The following CALN1 variants were observed in gnomAD, a reference collection of about 807,000 sequenced individuals.
CALN1 encodes calcium-binding protein 8.
CALN1 carries 17 observed loss-of-function variants against 30.6 expected under a neutral mutation model. The ratio of observed to expected loss-of-function variants is 0.56; its 90% CI spans 0.38 to 0.83. The LOEUF is 0.83. CALN1 is among the 40% of genes least tolerant of loss of function. The pLI is 0.00. For synonymous variants in CALN1, 156 were observed against 131.4 expected (o/e 1.19, Z -1.28); for missense variants, 291 against 354.9 (o/e 0.82, Z 1.45).
chr7:71,843,587 C>T (rs1790067661), intron 5 of CALN1, among the ~76,000 whole-genome samples: 1 of 152,144 alleles, frequency 6.6e-6, no homozygotes, highest in Non-Finnish European at 1.5e-5. Flanking sequence ...TGTACCACTG[C>T]ACCCCAGACT....
intron 5 of CALN1, among the ~76,000 whole-genome samples, chr7:71,857,040 GTGTGTGT>G (rs1242247407): frequency 6.6e-6 from 1 of 151,722 alleles, no homozygotes; most frequent in African/African-American, 2.4e-5. Context: ...GTGTGTGTGT[GTGTGTGT>G]GTGTGTGTGT....
chr7:72,128,243 C>T (rs895389657), intron 3 of CALN1, among the ~76,000 whole-genome samples: 32 of 151,916 alleles, frequency 2.1e-4, no homozygotes, highest in Non-Finnish European at 1.8e-4. Context: ...TAATATGAAG[C>T]CATTTAGCTG....
chr7:72,049,463 G>A (rs1029223232), intron 4 of CALN1, among the ~76,000 whole-genome samples: 4 of 152,168 alleles, frequency 2.6e-5, no homozygotes, highest in Non-Finnish European at 4.4e-5. Flanking sequence ...ATGAACTATA[G>A]GGCAGGCACA....
chr7:72,058,612 C>A (rs1055007354), intron 4 of CALN1, among the ~76,000 whole-genome samples: 7 of 152,096 alleles, frequency 4.6e-5, no homozygotes, highest in African/African-American at 1.7e-4. Context: ...AGCGACCATG[C>A]CTGGTCAACA....
intron 5 of CALN1, among the ~76,000 whole-genome samples, chr7:71,985,706 C>T (rs1308267617): frequency 6.7e-6 from 1 of 150,034 alleles, no homozygotes; most frequent in African/African-American, 2.5e-5. Context: ...TCTCCTGCCT[C>T]AGCCTCCTGA....
At chr7:71,853,464 C>T (rs1790764061) in intron 5 of CALN1, among the ~76,000 whole-genome samples, 1 of 151,890 alleles carries the variant, frequency 6.6e-6, no homozygotes, top group African/African-American at 2.4e-5. Flanking sequence ...TTTAAAATCT[C>T]TCCGCAATTT....
In CALN1 at chr7:72,201,503, A is replaced by AT. The variant is rs111545497; in HGVS notation, c.244+77182dup. ...CTACTCGGGAGGCTGAGGCAGGAGG[A>AT]TCGCTTGAACCTGGTAGGCAAAGGC... is the stretch of plus-strand genomic sequence containing the variant. On this transcript the variant is annotated intron_variant, in intron 3 of 6. Transcript: ENST00000395275. Among the ~76,000 whole-genome samples, 913 of 152,074 alleles carry AT rather than the reference A, an allele frequency of 6.0e-3. 10 individuals are homozygous for AT. The highest frequency in any genetic ancestry group is 0.019 in the African/African-American group (772 of 41,470).
At chr7:72,018,066 G>A (rs185926304) in intron 5 of CALN1, among the ~76,000 whole-genome samples, 2 of 152,160 alleles carry the variant, frequency 1.3e-5, no homozygotes, top group East Asian at 1.9e-4. Flanking sequence ...GGCAGAACAC[G>A]GTTGCACGGG....
intron 3 of CALN1, among the ~76,000 whole-genome samples, chr7:72,254,428 T>A (rs1002338881): frequency 3.9e-5 from 6 of 152,186 alleles, no homozygotes; most frequent in African/African-American, 1.4e-4. Context: ...GATGCATGAG[T>A]CCCCTGCCTG....
intron 5 of CALN1, among the ~76,000 whole-genome samples, chr7:71,861,098 G>C (rs1938246477): frequency 6.6e-6 from 1 of 152,162 alleles, no homozygotes; most frequent in South Asian, 2.1e-4. Context: ...TCCAAGAGAT[G>C]CATGGAGACA....
At chr7:72,330,885 G>C (rs1389712486) in intron 2 of CALN1, among the ~76,000 whole-genome samples, 2 of 152,112 alleles carry the variant, frequency 1.3e-5, no homozygotes, top group Non-Finnish European at 2.9e-5. Flanking sequence ...CTCGGACTTC[G>C]ATTTTACTTC....
chr7:72,503,425 T>G, the CALN1 span, among the ~76,000 whole-genome samples: 114 of 152,140 alleles, frequency 7.5e-4, no homozygotes, highest in African/African-American at 2.6e-3. Context: ...GGGGGTCCAG[T>G]TGCTTCTCAT....
intron 5 of CALN1, among the ~76,000 whole-genome samples, chr7:71,847,695 G>GAAGAGGA: frequency 8.4e-6 from 1 of 119,728 alleles, no homozygotes; most frequent in Admixed American, 9.1e-5. Flanking sequence ...AAAAAAGGAG[G>GAAGAGGA]AAGAAGAAAG....
chr7:72,380,019 G>A (rs1319264968), intron 2 of CALN1, among the ~76,000 whole-genome samples: 1 of 152,226 alleles, frequency 6.6e-6, no homozygotes, highest in Non-Finnish European at 1.5e-5. Flanking sequence ...AATAGATGGA[G>A]AAGTATTATA....
rs146979555 is a variant in CALN1, at chr7:72,412,322, G to C, written c.-338C>G. 2 of 152,116 alleles carry C rather than the reference G, an allele frequency of 1.3e-5. No homozygotes were observed. Among genetic ancestry groups the C allele is most frequent in the African/African-American group, 4.8e-5 (2 of 41,396 alleles). The allele number at this position is 152,116 out of a possible 1,614,324, so 9.4% of individuals were successfully genotyped here. ...AAAAAAACACAAACTCAAGCGGATA[G>C]CACCCCAGCGAGCTTCCCCAGCGGG... On this transcript the variant is annotated 5_prime_UTR_variant, in exon 1 of 7. Coordinates refer to ENST00000395275, the MANE Select transcript of CALN1 (RefSeq NM_031468.4).
chr7:72,461,346 A>G, the CALN1 span, among the ~76,000 whole-genome samples: 1,533 of 152,288 alleles, frequency 0.01, 32 homozygotes, highest in African/African-American at 0.035. Context: ...CTAAAAAGAC[A>G]CCTGCACTTA....
intron 6 of CALN1, among the ~76,000 whole-genome samples, chr7:71,803,971 TGC>T (rs1562793574): frequency 1.4e-5 from 2 of 143,422 alleles, no homozygotes; most frequent in African/African-American, 2.5e-5. Context: ...TGTGTGTGTG[TGC>T]GTGCATGTGT....
chr7:72,276,131 A>G (rs1375000636), intron 3 of CALN1, among the ~76,000 whole-genome samples: 2 of 152,220 alleles, frequency 1.3e-5, no homozygotes, highest in Non-Finnish European at 2.9e-5. Context: ...TGCCCAAAAC[A>G]TATAGATAGT....
intron 3 of CALN1, among the ~76,000 whole-genome samples, chr7:72,120,376 C>CAA (rs1808294134): frequency 6.6e-6 from 1 of 152,040 alleles, no homozygotes; most frequent in Non-Finnish European, 1.5e-5. Context: ...AACTAGTCTG[C>CAA]AAAACAGCAT....
Sources: allele counts gnomAD v4.1 joint callset (sites outside exome capture counted in the v4.1 genomes callset), GRCh38; gene constraint gnomAD v4.1.1; transcripts MANE v1.5; gene names NCBI Gene and HGNC (gene_info 2026-07-23, HGNC 2026-07-21).